The following PTPRC variants were observed in gnomAD, a reference collection of about 807,000 sequenced individuals.
The protein encoded by PTPRC is protein tyrosine phosphatase receptor type C.
Under a neutral mutation model 155.9 loss-of-function variants are expected in PTPRC, and 44 were observed. The observed-to-expected ratio is 0.28, with a 90% CI of 0.22 to 0.36. PTPRC has a LOEUF of 0.36. Among genes scored for constraint, PTPRC ranks in the 10% least tolerant of loss-of-function variants. The pLI, the probability that PTPRC is intolerant of heterozygous loss-of-function variation, is 1.00. For synonymous variants in PTPRC, 525 were observed against 533.1 expected, an observed-to-expected ratio of 0.98 and a Z score of 0.21; for missense variants, 1,401 against 1,564.6, an observed-to-expected ratio of 0.90 and a Z score of 1.76.
At chr1:198,679,108 G>C (rs1268600671) in intron 2 of PTPRC, 1 of 193,576 alleles carries the variant, frequency 5.2e-6, no homozygotes, top group Non-Finnish European at 1.1e-5. Flanking sequence ...GGGCCTCTGG[G>C]ACAGTTCAGG....
chr1:198,643,568 C>T (rs1176506015), intron 2 of PTPRC, among the ~76,000 whole-genome samples: 1 of 151,666 alleles, frequency 6.6e-6, no homozygotes, highest in African/African-American at 2.4e-5. Context: ...TTTTTCTTTG[C>T]TCCCTTTCTT....
chr1:198,741,208 C>T (rs1654884250), intron 23 of PTPRC, among the ~76,000 whole-genome samples: 1 of 151,768 alleles, frequency 6.6e-6, no homozygotes, highest in Non-Finnish European at 1.5e-5. Context: ...GTAGATGGTT[C>T]TTTATACCTG....
chr1:198,703,388 G>A lies in PTPRC; in HGVS notation c.658+16G>A. 2.5e-6 allele frequency: 4 copies of A among 1,611,258 alleles called. No homozygotes were observed. Among genetic ancestry groups the A allele is most frequent in the Non-Finnish European group, 3.4e-6 (4 of 1,179,994 alleles). On this transcript the variant is annotated intron_variant, in intron 7 of 32. Transcript: ENST00000442510. Reference sequence around the variant, plus strand: ...ACAACAATAGGTGATATTACCCTCAGTCAGGCAGCCACACCATCCCCATGT... The same window carrying A: ...ACAACAATAGGTGATATTACCCTCAATCAGGCAGCCACACCATCCCCATGT...
At chr1:198,717,851 C>G (rs1287578270) in intron 13 of PTPRC, among the ~76,000 whole-genome samples, 1 of 152,156 alleles carries the variant, frequency 6.6e-6, no homozygotes, top group African/African-American at 2.4e-5. Flanking sequence ...CAGTCTCCTT[C>G]AGGGATTGCA....
chr1:198,688,295 G>C (rs1239242095), intron 2 of PTPRC, among the ~76,000 whole-genome samples: 1 of 151,916 alleles, frequency 6.6e-6, no homozygotes, highest in Non-Finnish European at 1.5e-5. Context: ...ATAGAAGAAA[G>C]GAAAATGTTG....
chr1:198,702,816 G>A (rs572009857), intron 6 of PTPRC, among the ~76,000 whole-genome samples: 6 of 152,234 alleles, frequency 3.9e-5, no homozygotes, highest in East Asian at 3.9e-4. Flanking sequence ...CTTCAACTTC[G>A]TAGCTGATTA....
intron 3 of PTPRC, chr1:198,692,823 C>A: frequency 1.1e-6 from 1 of 902,478 alleles, no homozygotes; most frequent in Non-Finnish European, 1.3e-6. Context: ...GTATGCAAAA[C>A]CTTTGAGACT....
intron 8 of PTPRC, 112 bp from the exon 9 acceptor site, chr1:198,706,622 T>C: frequency 8.2e-7 from 1 of 1,224,812 alleles, no homozygotes; most frequent in South Asian, 1.4e-5. Flanking sequence ...TGTTTTTTCT[T>C]TTTCATGTTT....
At chr1:198,743,337 T>C (rs2102519948) in intron 25 of PTPRC, among the ~76,000 whole-genome samples, 1 of 151,868 alleles carries the variant, frequency 6.6e-6, no homozygotes, top group Middle Eastern at 3.4e-3. Flanking sequence ...AAATGTACAA[T>C]GCTTGTGATT....
chr1:198,708,053 T>A, intron 9 of PTPRC, 80 bp from the exon 10 acceptor site: 3 of 1,365,450 alleles, frequency 2.2e-6, no homozygotes, highest in Non-Finnish European at 3.1e-6. Context: ...TGGCTTTAAC[T>A]GACATGTTAG....
chr1:198,662,391 T>C (rs1664017670), intron 2 of PTPRC, among the ~76,000 whole-genome samples: 1 of 151,968 alleles, frequency 6.6e-6, no homozygotes, highest in South Asian at 2.1e-4. Context: ...GAGCCAATGT[T>C]TGATCTGAAC....
At chr1:198,673,986 GCTT>G (rs1164760959) in intron 2 of PTPRC, among the ~76,000 whole-genome samples, 1 of 152,146 alleles carries the variant, frequency 6.6e-6, no homozygotes, top group Non-Finnish European at 1.5e-5. Flanking sequence ...ATAAAAACAA[GCTT>G]CTTCTTAGTA....
intron 17 of PTPRC, among the ~76,000 whole-genome samples, chr1:198,730,880 A>G (rs2102480638): frequency 6.6e-6 from 1 of 152,300 alleles, no homozygotes; most frequent in Middle Eastern, 3.4e-3. Context: ...TTTATCTGAT[A>G]AACTGGTAAA....
intron 11 of PTPRC, among the ~76,000 whole-genome samples, chr1:198,710,261 G>A (rs1454678619): frequency 6.6e-6 from 1 of 152,182 alleles, no homozygotes; most frequent in Non-Finnish European, 1.5e-5. Flanking sequence ...TGACCATAAT[G>A]ATGGGTTTAT....
Position 198,732,410 on chromosome 1 carries a change from T to G in PTPRC, c.2065+20T>G. ...TTCCTTGTGAGTATTTATTGAGTGC[T>G]GAATTCCCATATATTAGGCTACTTG... On this transcript the variant is annotated intron_variant, in intron 19 of 32. Transcript: ENST00000442510. 1 of 1,602,296 alleles carries G rather than the reference T, an allele frequency of 6.2e-7. No homozygotes were observed. The highest frequency in any genetic ancestry group is 8.5e-7 in the Non-Finnish European group (1 of 1,169,816).
At chr1:198,752,435 A>AAATT in intron 30 of PTPRC, 64 bp downstream of exon 30, 1 of 1,587,908 alleles carries the variant, frequency 6.3e-7, no homozygotes, top group Non-Finnish European at 8.6e-7. Flanking sequence ...AAATGAATAT[A>AAATT]AATTACTCTA....
chr1:198,719,574 T>TTTTGC (rs1405471200), intron 14 of PTPRC, among the ~76,000 whole-genome samples: 1 of 146,354 alleles, frequency 6.8e-6, no homozygotes, highest in Non-Finnish European at 1.5e-5. Context: ...CATATTCTTT[T>TTTTGC]TTTGTTTTGT....
At chr1:198,730,042 A>G (rs1221079502) in intron 17 of PTPRC, among the ~76,000 whole-genome samples, 1 of 152,122 alleles carries the variant, frequency 6.6e-6, no homozygotes, top group African/African-American at 2.4e-5. Flanking sequence ...GGAGAAGAAA[A>G]CACATTTGTT....
At chr1:198,654,329 A>T (rs1663421134) in intron 2 of PTPRC, among the ~76,000 whole-genome samples, 1 of 151,892 alleles carries the variant, frequency 6.6e-6, no homozygotes, top group African/African-American at 2.4e-5. Flanking sequence ...AATAAATGAC[A>T]GCTTATTTTC....
Sources: allele counts gnomAD v4.1 joint callset (sites outside exome capture counted in the v4.1 genomes callset), GRCh38; gene constraint gnomAD v4.1.1; transcripts MANE v1.5; gene names NCBI Gene and HGNC (gene_info 2026-07-23, HGNC 2026-07-21).